The following ADK variants were observed in gnomAD, a reference collection of about 807,000 sequenced individuals.
The protein encoded by ADK is adenosine kinase.
In ADK, 24 loss-of-function variants were observed where a neutral mutation model predicts 44.7. The observed-to-expected ratio is 0.54, with a 90% CI of 0.39 to 0.76. The LOEUF (loss-of-function observed/expected upper bound fraction) is 0.76, where lower values mean the gene tolerates loss of function less well. Ranked by LOEUF, ADK falls within the 30% of genes least tolerant of loss-of-function variation. The probability of loss-of-function intolerance (pLI) is 0.00; values close to 1 mark genes in which losing one functional copy is unlikely to be tolerated. For synonymous variants in ADK, 128 were observed against 142.6 expected, an observed-to-expected ratio of 0.90 and a Z score of 0.73; for missense variants, 321 against 425.1, an observed-to-expected ratio of 0.76 and a Z score of 2.15.
chr10:74,291,416 C>G (rs768204290), intron 3 of ADK, among the ~76,000 whole-genome samples: 3 of 151,924 alleles, frequency 2.0e-5, no homozygotes, highest in Non-Finnish European at 4.4e-5. Context: ...GACTCCGTCT[C>G]AAAAACAACA....
intron 7 of ADK, among the ~76,000 whole-genome samples, chr10:74,568,767 T>C (rs1401473164): frequency 2.0e-5 from 3 of 152,110 alleles, no homozygotes; most frequent in African/African-American, 4.8e-5. Flanking sequence ...ATTTGTACTT[T>C]TTATATTTTT....
At chr10:74,151,386 A>T in intron 1 of ADK, 43 bp downstream of exon 1, 2 of 1,547,028 alleles carry the variant, frequency 1.3e-6, no homozygotes. Flanking sequence ...CGGCGCTGCA[A>T]GCAAGCCAGG....
At chr10:74,502,834 G>A (rs904842186) in intron 6 of ADK, among the ~76,000 whole-genome samples, 5 of 152,238 alleles carry the variant, frequency 3.3e-5, no homozygotes, top group Admixed American at 2.6e-4. Context: ...TATTGATTTA[G>A]TGCTAGCCTC....
chr10:74,553,458 C>T (rs552245858), intron 7 of ADK, among the ~76,000 whole-genome samples: 135 of 152,076 alleles, frequency 8.9e-4, no homozygotes, highest in Middle Eastern at 3.4e-3. Context: ...CTCGGCCTCC[C>T]AAAGTGCTGG....
intron 6 of ADK, among the ~76,000 whole-genome samples, chr10:74,417,686 A>G (rs755526653): frequency 9.2e-5 from 14 of 152,012 alleles, no homozygotes; most frequent in African/African-American, 1.9e-4. Context: ...GTTAATTTCC[A>G]TAACTATCAT....
chr10:74,414,451 A>G (rs1195229453), intron 6 of ADK, among the ~76,000 whole-genome samples: 1 of 152,202 alleles, frequency 6.6e-6, no homozygotes, highest in African/African-American at 2.4e-5. Flanking sequence ...GAGTGTGATT[A>G]TAGGCTGGAC....
At chr10:74,448,823 T>TA (rs1845675581) in intron 6 of ADK, among the ~76,000 whole-genome samples, 1 of 152,142 alleles carries the variant, frequency 6.6e-6, no homozygotes, top group Non-Finnish European at 1.5e-5. Context: ...CATACAATAA[T>TA]ATATACTGGC....
At chr10:74,284,606 C>T (rs1176816440) in intron 3 of ADK, among the ~76,000 whole-genome samples, 7 of 152,200 alleles carry the variant, frequency 4.6e-5, no homozygotes, top group African/African-American at 1.7e-4. Context: ...ACCTCTGTGG[C>T]TCTGTTTCTT....
At chr10:74,507,866 C>T (rs1045963451) in intron 6 of ADK, among the ~76,000 whole-genome samples, 2 of 151,962 alleles carry the variant, frequency 1.3e-5, no homozygotes, top group Non-Finnish European at 2.9e-5. Context: ...ATATTATGGG[C>T]ATTCAAAGAA....
chr10:74,396,488 C>A (rs535541550), intron 5 of ADK, among the ~76,000 whole-genome samples: 4 of 152,080 alleles, frequency 2.6e-5, no homozygotes, highest in African/African-American at 4.8e-5. Context: ...GGACTGGGGT[C>A]GTGCTGCCCA....
chr10:74,363,347 G>A (rs1220431355), intron 4 of ADK, among the ~76,000 whole-genome samples: 3 of 152,074 alleles, frequency 2.0e-5, no homozygotes, highest in African/African-American at 4.8e-5. Flanking sequence ...GGTGTGCATC[G>A]CCCTGAATGT....
chr10:74,708,607 ATCTT>A lies in ADK; in HGVS notation c.*164_*167del, dbSNP rs1337857431. ...ACAAGGGTATGGTAATGCTTGTAGA[ATCTT>A]TATTATCTCAACAATCTAAAAAATG... is the stretch of plus-strand genomic sequence containing the variant. On this transcript the variant is annotated 3_prime_UTR_variant, in exon 11 of 11. Coordinates refer to ENST00000539909, the MANE Select transcript of ADK (RefSeq NM_006721.4). 2 of 704,250 alleles carry A rather than the reference ATCTT, an allele frequency of 2.8e-6. No individual in the cohort carries two copies. The highest frequency in any genetic ancestry group is 4.5e-6 in the Non-Finnish European group (2 of 445,550). 43.6% of individuals were successfully genotyped at this position (704,250 alleles called of 1,614,324 possible). A position where few individuals can be genotyped will look rare whatever the true frequency, so the allele number is the denominator to read the frequency against.
chr10:74,536,202 A>G (rs1222514811), intron 7 of ADK, among the ~76,000 whole-genome samples: 1 of 152,048 alleles, frequency 6.6e-6, no homozygotes, highest in Non-Finnish European at 1.5e-5. Context: ...AATGCCTGAC[A>G]TTTCTTTTAG....
At chr10:74,395,050 C>T (rs940076686) in intron 5 of ADK, among the ~76,000 whole-genome samples, 2 of 152,076 alleles carry the variant, frequency 1.3e-5, no homozygotes, top group South Asian at 4.1e-4. Context: ...GCTTTTTTCC[C>T]CTTTGCAAGG....
At chr10:74,521,727 T>C (rs190878759) in intron 6 of ADK, among the ~76,000 whole-genome samples, 48 of 152,316 alleles carry the variant, frequency 3.2e-4, no homozygotes, top group African/African-American at 9.9e-4. Flanking sequence ...CTGTATAAAC[T>C]GTTCGTTTTA....
At chr10:74,211,755 T>C (rs1387098660) in intron 2 of ADK, among the ~76,000 whole-genome samples, 3 of 152,222 alleles carry the variant, frequency 2.0e-5, no homozygotes, top group Non-Finnish European at 2.9e-5. Flanking sequence ...TTTTATTTCA[T>C]GTTAATTAAA....
At chr10:74,412,488 G>T (rs1844218908) in intron 6 of ADK, among the ~76,000 whole-genome samples, 1 of 152,112 alleles carries the variant, frequency 6.6e-6, no homozygotes, top group South Asian at 2.1e-4. Context: ...TTTTCAGGAG[G>T]TTTTCAATTT....
rs549803165 is a variant in ADK at position 74,350,448 on chromosome 10, C to T, written c.273+35703C>T. ...AGGGATATTTATAGCACTAAGTGCC[C>T]ACTTCAGACAGCTGGAAAGATCTGA... On this transcript the variant is annotated intron_variant, in intron 4 of 10. Coordinates refer to ENST00000539909, the MANE Select transcript of ADK (RefSeq NM_006721.4). Among the ~76,000 whole-genome samples, 6 of 152,256 alleles carry T rather than the reference C, an allele frequency of 3.9e-5. No homozygotes were observed. In the East Asian group the frequency reaches 1.2e-3, roughly 29 times the overall value.
chr10:74,595,703 T>TTCATCC (rs755754048), intron 8 of ADK, among the ~76,000 whole-genome samples: 1 of 121,964 alleles, frequency 8.2e-6, no homozygotes, highest in African/African-American at 3.1e-5. Context: ...ATTAAAAAAA[T>TTCATCC]AGGCTATATG....
Sources: gnomAD v4.1 joint callset for allele counts (sites outside exome capture counted in the v4.1 genomes callset) on GRCh38, gnomAD v4.1.1 for gene constraint, MANE v1.5 for transcripts, NCBI Gene and HGNC (gene_info 2026-07-23, HGNC 2026-07-21) for gene names.